Variants in STARD13 observed in about 807,000 individuals in gnomAD.
STARD13 encodes the protein stAR-related lipid transfer protein 13.
A neutral mutation model predicts 106.4 loss-of-function variants in STARD13; 62 were observed. The ratio of observed to expected loss-of-function variants is 0.58; its 90% CI spans 0.48 to 0.72. The LOEUF (loss-of-function observed/expected upper bound fraction) is 0.72, where lower values mean the gene tolerates loss of function less well. Ranked by LOEUF, STARD13 falls within the 30% of genes least tolerant of loss-of-function variation. The probability of loss-of-function intolerance (pLI) is 0.00; values close to 1 mark genes in which losing one functional copy is unlikely to be tolerated. For synonymous variants in STARD13, 565 were observed against 553.0 expected, an observed-to-expected ratio of 1.02 and a Z score of -0.31; for missense variants, 1,387 against 1,424.0, an observed-to-expected ratio of 0.97 and a Z score of 0.42.
chr13:33,423,832 A>T, the STARD13 span, among the ~76,000 whole-genome samples: 1 of 152,178 alleles, frequency 6.6e-6, no homozygotes, highest in Non-Finnish European at 1.5e-5. Flanking sequence ...TTCTAAGCAA[A>T]CTGTCACAAG....
intron 1 of STARD13, among the ~76,000 whole-genome samples, chr13:33,226,435 CTT>C (rs71196514): frequency 0.049 from 6,321 of 130,160 alleles, 194 homozygotes; most frequent in African/African-American, 0.077. Flanking sequence ...AAATTTAGTT[CTT>C]TTTTTTTTTT....
At chr13:33,396,528 A>C in the STARD13 span, among the ~76,000 whole-genome samples, 1 of 152,240 alleles carries the variant, frequency 6.6e-6, no homozygotes, top group African/African-American at 2.4e-5. Context: ...ACACAAAAGC[A>C]CACATAGTAA....
the STARD13 span, among the ~76,000 whole-genome samples, chr13:33,579,198 ATG>A: frequency 6.6e-6 from 1 of 152,154 alleles, no homozygotes; most frequent in African/African-American, 2.4e-5. Context: ...AGACACCTGC[ATG>A]TGTGTGTTTA....
At chr13:33,552,199 C>T in the STARD13 span, among the ~76,000 whole-genome samples, 3 of 152,110 alleles carry the variant, frequency 2.0e-5, no homozygotes, top group African/African-American at 7.2e-5. Context: ...GACTTCAACA[C>T]CCCAATCTCG....
chr13:33,294,531 T>C lies in STARD13; in HGVS notation c.124+55759A>G, dbSNP rs1892415768. On this transcript the variant is annotated intron_variant, in intron 1 of 5. Coordinates refer to the STARD13 transcript ENST00000567873. ...AACTGCATCTGGGTTATCAACCATC[T>C]CTGTTTCTTCATGCTCATACTTATC... is the stretch of plus-strand genomic sequence containing the variant. Among the ~76,000 whole-genome samples, 8 of 152,350 alleles carry C rather than the reference T, an allele frequency of 5.3e-5. No homozygotes were observed. In the South Asian group the frequency reaches 1.7e-3, roughly 32 times the overall value.
chr13:33,446,844 G>A, the STARD13 span, among the ~76,000 whole-genome samples: 1 of 152,132 alleles, frequency 6.6e-6, no homozygotes, highest in Non-Finnish European at 1.5e-5. Context: ...TAATAAAAAG[G>A]ACTATGTTTT....
chr13:33,209,599 C>T (rs1020864892), intron 1 of STARD13, among the ~76,000 whole-genome samples: 14 of 152,244 alleles, frequency 9.2e-5, no homozygotes, highest in African/African-American at 3.4e-4. Flanking sequence ...GTCCTGCCAT[C>T]CTTAAGTGAG....
chr13:33,652,242 C>A, the STARD13 span, among the ~76,000 whole-genome samples: 1 of 152,190 alleles, frequency 6.6e-6, no homozygotes, highest in South Asian at 2.1e-4. Context: ...CAGATATTCT[C>A]CCTCCTCAGC....
chr13:33,414,730 C>T, the STARD13 span, among the ~76,000 whole-genome samples: 1 of 152,032 alleles, frequency 6.6e-6, no homozygotes, highest in East Asian at 1.9e-4. Context: ...TTGACTGTGT[C>T]AATGTCGATA....
the STARD13 span, among the ~76,000 whole-genome samples, chr13:33,373,029 C>G: frequency 6.6e-6 from 1 of 152,062 alleles, no homozygotes; most frequent in African/African-American, 2.4e-5. Flanking sequence ...GAGCTACTTT[C>G]TATTTTTCAG....
the STARD13 span, among the ~76,000 whole-genome samples, chr13:33,660,802 T>C: frequency 1.3e-5 from 2 of 152,204 alleles, no homozygotes; most frequent in African/African-American, 4.8e-5. Flanking sequence ...CAGGCTGGTC[T>C]TGAACTCCTA....
At chr13:33,359,265 C>G in the STARD13 span, among the ~76,000 whole-genome samples, 4 of 152,060 alleles carry the variant, frequency 2.6e-5, no homozygotes, top group Non-Finnish European at 5.9e-5. Context: ...CTGAGCCCAG[C>G]GAGACCACGA....
chr13:33,584,097 T>C, the STARD13 span, among the ~76,000 whole-genome samples: 4 of 152,312 alleles, frequency 2.6e-5, no homozygotes, highest in African/African-American at 9.6e-5. Flanking sequence ...TGCACAAGGG[T>C]TCAATTTCTC....
the STARD13 span, chr13:33,520,264 T>C: frequency 6.6e-6 from 1 of 152,172 alleles, no homozygotes; most frequent in Non-Finnish European, 1.5e-5. Flanking sequence ...GGTGATTTCA[T>C]GGGTGGATAT....
chr13:33,350,756 C>T, upstream of STARD13: 1 of 802,302 alleles, frequency 1.2e-6, no homozygotes, highest in Middle Eastern at 5.5e-4. Flanking sequence ...TCGCGCCCCA[C>T]TCCTTCCAGG....
chr13:33,640,732 A>G, the STARD13 span, among the ~76,000 whole-genome samples: 1 of 152,248 alleles, frequency 6.6e-6, no homozygotes. Flanking sequence ...AAGTGAGTAC[A>G]TGAGAATCTC....
the STARD13 span, among the ~76,000 whole-genome samples, chr13:33,602,757 A>G: frequency 1.3e-5 from 2 of 152,194 alleles, no homozygotes; most frequent in East Asian, 3.9e-4. Context: ...ATGGCATTAG[A>G]TTCTCATAGG....
chr13:33,247,207 ATAAATAAATAAAT>A (rs1889867621), intron 1 of STARD13, among the ~76,000 whole-genome samples: 1 of 146,426 alleles, frequency 6.8e-6, no homozygotes, highest in South Asian at 2.3e-4. Flanking sequence ...GGATAAATAA[ATAAATAAATAAAT>A]TAAATAAATA....
the STARD13 span, among the ~76,000 whole-genome samples, chr13:33,457,282 G>C: frequency 3.3e-5 from 5 of 152,292 alleles, no homozygotes; most frequent in Non-Finnish European, 7.4e-5. Context: ...TTTATTTGTT[G>C]TTTGATGGCT....
Sources: gnomAD v4.1 joint callset for allele counts (sites outside exome capture counted in the v4.1 genomes callset) on GRCh38, gnomAD v4.1.1 for gene constraint, MANE v1.5 for transcripts, NCBI Gene and HGNC (gene_info 2026-07-23, HGNC 2026-07-21) for gene names.